Variants in EPC2 observed in about 807,000 individuals in gnomAD.
The protein encoded by EPC2 is enhancer of polycomb homolog 2.
A neutral mutation model predicts 92.1 loss-of-function variants in EPC2; 14 were observed. That is an observed-to-expected ratio of 0.15 (90% CI 0.10 to 0.24). The LOEUF (loss-of-function observed/expected upper bound fraction) is 0.24, where lower values mean the gene tolerates loss of function less well. EPC2 is among the 10% of genes least tolerant of loss of function. The pLI is 1.00. For missense variants in EPC2, 755 were observed against 971.5 expected (o/e 0.78, Z 2.96); for synonymous variants, 340 against 334.7 (o/e 1.02, Z -0.17).
intron 1 of EPC2, among the ~76,000 whole-genome samples, chr2:148,652,477 A>T (rs1429693294): frequency 6.6e-6 from 1 of 152,186 alleles, no homozygotes; most frequent in African/African-American, 2.4e-5. Flanking sequence ...ATTAATTTTC[A>T]AAGTTGTAAG....
intron 6 of EPC2, 66 bp downstream of exon 6, chr2:148,762,868 G>A: frequency 6.7e-7 from 1 of 1,492,196 alleles, no homozygotes; most frequent in African/African-American, 1.4e-5. Context: ...ATTGATTTCT[G>A]CAGTTGTCTT....
rs1376131383 is a variant in EPC2 at position 148,786,341 on chromosome 2, A to C, written c.2388A>C (p.Gly796=). Reference sequence around the variant, plus strand: ...AACCAGAAAGATTGGGCTTAAATGGAATAGCAGAGACAACAGTAGCTATGG... The same window carrying C: ...AACCAGAAAGATTGGGCTTAAATGGCATAGCAGAGACAACAGTAGCTATGG... ...NHEPERLGLN[G]IAETTVAMEV... The change falls in exon 14 of 14, where the codon GGA becomes GGC. Residue 796 remains glycine (G), a synonymous_variant. Transcript: ENST00000258484. 6.2e-7 allele frequency: 1 copy of C among 1,612,012 alleles called. No individual in the cohort carries two copies. Among genetic ancestry groups the C allele is most frequent in the South Asian group, 1.1e-5 (1 of 90,414 alleles).
chr2:148,704,983 G>T (rs754377705), intron 2 of EPC2, among the ~76,000 whole-genome samples: 1 of 150,646 alleles, frequency 6.6e-6, no homozygotes, highest in South Asian at 2.1e-4. Flanking sequence ...GGAACCCAAT[G>T]TATCTGTCAG....
At chr2:148,677,760 T>C (rs1223175110) in intron 1 of EPC2, among the ~76,000 whole-genome samples, 3 of 151,716 alleles carry the variant, frequency 2.0e-5, no homozygotes, top group South Asian at 2.1e-4. Context: ...GGCTCAGGAG[T>C]GAAGCTGCAG....
chr2:148,736,401 G>GGGTT (rs1410807566), intron 2 of EPC2, among the ~76,000 whole-genome samples: 1 of 152,006 alleles, frequency 6.6e-6, no homozygotes, highest in Admixed American at 6.6e-5. Context: ...AAATGTGGTA[G>GGGTT]GGTTACCTTA....
At chr2:148,655,243 A>G (rs1559138878) in intron 1 of EPC2, among the ~76,000 whole-genome samples, 1 of 152,116 alleles carries the variant, frequency 6.6e-6, no homozygotes, top group South Asian at 2.1e-4. Flanking sequence ...TCCTCCTTCA[A>G]TTTCCAAGTG....
chr2:148,750,832 T>C (rs768156126), intron 3 of EPC2, among the ~76,000 whole-genome samples: 5 of 152,138 alleles, frequency 3.3e-5, no homozygotes, highest in Non-Finnish European at 7.4e-5. Context: ...TTTAGGCTGT[T>C]ACACAAATAA....
intron 2 of EPC2, among the ~76,000 whole-genome samples, chr2:148,707,125 T>A (rs1463610593): frequency 1.3e-5 from 2 of 152,058 alleles, no homozygotes; most frequent in African/African-American, 2.4e-5. Context: ...GAGACACACA[T>A]AGGCTCAAAA....
intron 1 of EPC2, among the ~76,000 whole-genome samples, chr2:148,685,632 G>A (rs1480641244): frequency 6.6e-6 from 1 of 152,192 alleles, no homozygotes; most frequent in Non-Finnish European, 1.5e-5. Context: ...GTGGTGGCGG[G>A]AGCCTGTAGT....
At chr2:148,687,065 T>C (rs1681542591) in intron 1 of EPC2, among the ~76,000 whole-genome samples, 2 of 152,350 alleles carry the variant, frequency 1.3e-5, no homozygotes, top group African/African-American at 4.8e-5. Context: ...TATTATTCAG[T>C]GTAGCCACCT....
chr2:148,672,852 C>G (rs757847183), intron 1 of EPC2, among the ~76,000 whole-genome samples: 2 of 152,086 alleles, frequency 1.3e-5, no homozygotes, highest in African/African-American at 2.4e-5. Context: ...TTGAAGGACT[C>G]CCTTTAGCAA....
intron 8 of EPC2, 29 bp downstream of exon 8, chr2:148,769,269 T>C: frequency 6.6e-7 from 1 of 1,517,068 alleles, no homozygotes; most frequent in Non-Finnish European, 9.1e-7. Flanking sequence ...GTGTGGTGTT[T>C]TTGTGAACTG....
In EPC2 at chr2:148,775,110, G is replaced by T. The variant is rs558173717; in HGVS notation, c.1720+3723G>T. Among the ~76,000 whole-genome samples the T allele has an allele frequency of 4.7e-5, 7 of 149,036 alleles. No individual in the cohort carries two copies. The South Asian group carries it at 1.5e-3, about 32-fold the overall frequency. On this transcript the variant is annotated intron_variant, in intron 10 of 13. Transcript: ENST00000258484. ...TCTCAAAAAAAAAAAAAAAAGAAAA[G>T]AAAAAGAAAACCACTTCTCAAAGAG...
At chr2:148,769,660 AT>A (rs1683478512) in intron 8 of EPC2, among the ~76,000 whole-genome samples, 2 of 152,214 alleles carry the variant, frequency 1.3e-5, no homozygotes, top group African/African-American at 4.8e-5. Context: ...CAAAATAATA[AT>A]TTTGTTTGAT....
chr2:148,751,801 A>G (rs1429656165), intron 3 of EPC2, among the ~76,000 whole-genome samples: 1 of 152,192 alleles, frequency 6.6e-6, no homozygotes, highest in African/African-American at 2.4e-5. Flanking sequence ...CAGTGATACT[A>G]GTTGCCTCAG....
chr2:148,664,486 A>G (rs951047298), intron 1 of EPC2, among the ~76,000 whole-genome samples: 1 of 152,238 alleles, frequency 6.6e-6, no homozygotes, highest in African/African-American at 2.4e-5. Context: ...CGACAGAGTG[A>G]GTCAATGTCT....
intron 3 of EPC2, among the ~76,000 whole-genome samples, chr2:148,748,740 A>G (rs1459680762): frequency 6.6e-6 from 1 of 152,058 alleles, no homozygotes; most frequent in Non-Finnish European, 1.5e-5. Context: ...CAAAGTTTTG[A>G]CTGCATTTTG....
Position 148,722,807 on chromosome 2 carries a change from TGTG to T in EPC2, c.314-20812_314-20810del, listed in dbSNP as rs1682410147. ...TCAACAGTAGACTGGATAAAGAAAA[TGTG>T]GTACATATACACGATACATATATAC... On this transcript the variant is annotated intron_variant, in intron 2 of 13. Coordinates refer to ENST00000258484, the MANE Select transcript of EPC2 (RefSeq NM_015630.4). 2.0e-5 allele frequency among the ~76,000 whole-genome samples: 3 copies of T among 152,102 alleles called. No individual in the cohort carries two copies. The South Asian group carries it at 6.2e-4, about 32-fold the overall frequency.
Position 148,722,365 on chromosome 2 carries a change from G to C in EPC2, c.314-21257G>C, listed in dbSNP as rs199820485. 6.6e-5 allele frequency among the ~76,000 whole-genome samples: 10 copies of C among 152,122 alleles called. No individual in the cohort carries two copies. The East Asian group carries it at 1.9e-3, about 29-fold the overall frequency. ...GGACTCATCTTTTTCCTTCCCCCAG[G>C]TCTGATAGGCTTTGATAAAACCCAA... On this transcript the variant is annotated intron_variant, in intron 2 of 13. Coordinates refer to ENST00000258484, the MANE Select transcript of EPC2 (RefSeq NM_015630.4).
Sources: allele counts gnomAD v4.1 joint callset (sites outside exome capture counted in the v4.1 genomes callset), GRCh38; gene constraint gnomAD v4.1.1; transcripts MANE v1.5; gene names NCBI Gene and HGNC (gene_info 2026-07-23, HGNC 2026-07-21).